The following ARHGAP25 variants were observed in gnomAD, a reference collection of about 807,000 sequenced individuals.
ARHGAP25 encodes rho GTPase-activating protein 25.
Under a neutral mutation model 71.0 loss-of-function variants are expected in ARHGAP25, and 34 were observed. The ratio of observed to expected loss-of-function variants is 0.48; its 90% CI spans 0.36 to 0.64. ARHGAP25 has a LOEUF of 0.64. Among genes scored for constraint, ARHGAP25 ranks in the 30% least tolerant of loss-of-function variants. ARHGAP25 has a pLI of 0.00. For missense variants in ARHGAP25, 706 were observed against 805.1 expected, an observed-to-expected ratio of 0.88 and a Z score of 1.49; for synonymous variants, 282 against 296.5, an observed-to-expected ratio of 0.95 and a Z score of 0.50.
chr2:68,733,570 A>G (rs1675082447), upstream of ARHGAP25, among the ~76,000 whole-genome samples: 1 of 152,200 alleles, frequency 6.6e-6, no homozygotes, highest in Non-Finnish European at 1.5e-5. Context: ...ATGATGCAAT[A>G]GGGATGGGAG....
At chr2:68,735,316 T>A in intron 1 of ARHGAP25, 56 bp downstream of exon 1, 1 of 1,545,512 alleles carries the variant, frequency 6.5e-7, no homozygotes, top group Non-Finnish European at 8.9e-7. Flanking sequence ...TCGAGCACCA[T>A]TTGCATGTTG....
intron 2 of ARHGAP25, among the ~76,000 whole-genome samples, chr2:68,776,547 G>A (rs1411392172): frequency 6.6e-6 from 1 of 152,210 alleles, no homozygotes; most frequent in Non-Finnish European, 1.5e-5. Context: ...CTGATGCAGT[G>A]GATAAGGCTG....
At chr2:68,807,594 C>A in intron 5 of ARHGAP25, 114 bp downstream of exon 5, 1 of 1,069,702 alleles carries the variant, frequency 9.3e-7, no homozygotes, top group Non-Finnish European at 1.4e-6. Flanking sequence ...TTCTAAGAGC[C>A]CTGGCTTACA....
chr2:68,765,349 T>C (rs1677059814), intron 1 of ARHGAP25, among the ~76,000 whole-genome samples: 1 of 131,150 alleles, frequency 7.6e-6, no homozygotes, highest in East Asian at 2.1e-4. Context: ...TTTAGAGCAA[T>C]AGTTGACATG....
chr2:68,789,440 G>A (rs912359484), intron 4 of ARHGAP25, among the ~76,000 whole-genome samples: 3 of 152,196 alleles, frequency 2.0e-5, no homozygotes, highest in African/African-American at 7.2e-5. Flanking sequence ...AGATACATTA[G>A]CTTCTCAAAG....
chr2:68,787,974 C>T lies in ARHGAP25; in HGVS notation c.466+18C>T. On this transcript the variant is annotated intron_variant, in intron 4 of 10. Coordinates refer to ENST00000409202, the MANE Select transcript of ARHGAP25 (RefSeq NM_001007231.3). ...CTGTGGAGGTAAGGACCCCTGCAGG[C>T]TTTCCTGGGCAGGTGCCTATGACAT... 6.3e-7 allele frequency: 1 copy of T among 1,594,632 alleles called. No individual in the cohort carries two copies. The highest frequency in any genetic ancestry group is 8.6e-7 in the Non-Finnish European group (1 of 1,162,276).
intron 1 of ARHGAP25, among the ~76,000 whole-genome samples, chr2:68,739,410 G>A (rs550177662): frequency 6.6e-6 from 1 of 152,308 alleles, no homozygotes; most frequent in South Asian, 2.1e-4. Context: ...GCATCTTCAT[G>A]TAGCATCCAA....
At chr2:68,745,333 C>A (rs1003570009) in intron 1 of ARHGAP25, among the ~76,000 whole-genome samples, 1 of 152,284 alleles carries the variant, frequency 6.6e-6, no homozygotes, top group East Asian at 1.9e-4. Flanking sequence ...CTGTGCCCAC[C>A]ACATCCTATG....
At chr2:68,749,213 T>G (rs1027935201) in intron 1 of ARHGAP25, among the ~76,000 whole-genome samples, 1 of 152,134 alleles carries the variant, frequency 6.6e-6, no homozygotes, top group Admixed American at 6.5e-5. Flanking sequence ...CACACTGAAT[T>G]TGTTATTTTG....
chr2:68,768,882 A>G (rs904713392), intron 1 of ARHGAP25, among the ~76,000 whole-genome samples: 1 of 152,146 alleles, frequency 6.6e-6, no homozygotes, highest in Non-Finnish European at 1.5e-5. Context: ...GCTTCCATGA[A>G]TGGGTCTCCC....
intron 2 of ARHGAP25, among the ~76,000 whole-genome samples, chr2:68,718,362 C>T (rs1277746692): frequency 1.3e-5 from 2 of 152,112 alleles, no homozygotes; most frequent in Non-Finnish European, 2.9e-5. Context: ...TCTTTCTGAA[C>T]TTTGTTTTGT....
At chr2:68,765,255 A>G (rs1677056593) in intron 1 of ARHGAP25, among the ~76,000 whole-genome samples, 1 of 152,126 alleles carries the variant, frequency 6.6e-6, no homozygotes, top group Non-Finnish European at 1.5e-5. Context: ...CGTAAGTGGT[A>G]TAACATCTGT....
chr2:68,819,390 G>T (rs1382686855), intron 9 of ARHGAP25, 71 bp downstream of exon 9: 1 of 1,546,978 alleles, frequency 6.5e-7, no homozygotes, highest in Non-Finnish European at 8.9e-7. Context: ...TGTAAGGCCT[G>T]CTCTCGGGTG....
At chr2:68,774,730 C>A in intron 1 of ARHGAP25, 1 of 1,011,330 alleles carries the variant, frequency 9.9e-7, no homozygotes, top group Non-Finnish European at 1.2e-6. Flanking sequence ...TGCGGCCCCT[C>A]CTCTAGCCGG....
chr2:68,826,346 A>G lies in ARHGAP25; in HGVS notation c.*152A>G. 1.3e-6 allele frequency: 1 copy of G among 778,702 alleles called. No individual in the cohort carries two copies. Among genetic ancestry groups the G allele is most frequent in the South Asian group, 1.5e-5 (1 of 68,342 alleles). The allele number at this position is 778,702 out of a possible 1,614,324, so 48.2% of individuals were successfully genotyped here. On this transcript the variant is annotated 3_prime_UTR_variant, in exon 11 of 11. Coordinates refer to ENST00000409202, the MANE Select transcript of ARHGAP25 (RefSeq NM_001007231.3). ...AATTTCCCCATAAATAAATGAATGG[A>G]GTTTGCAGGAAGGTGAGGGTGAGCA...
chr2:68,770,921 A>G (rs1208154828), intron 1 of ARHGAP25, among the ~76,000 whole-genome samples: 1 of 152,160 alleles, frequency 6.6e-6, no homozygotes, highest in Non-Finnish European at 1.5e-5. Flanking sequence ...ACGCTTTGTA[A>G]TGATAGCACT....
intron 1 of ARHGAP25, among the ~76,000 whole-genome samples, chr2:68,753,086 G>GA (rs900555878): frequency 6.6e-6 from 1 of 151,860 alleles, no homozygotes; most frequent in Non-Finnish European, 1.5e-5. Flanking sequence ...GATGGGGGGG[G>GA]TGATAAAACC....
At position 68,775,411 on chromosome 2, in the gene ARHGAP25, G is replaced by A. The variant is rs910572641; in HGVS notation, c.252G>A (p.Thr84=). ...ACTACTACAAGGATGAAGAGGACACGAAGCCCCAGGTACCAGCCAGGCTGT... is the reference window on the plus strand; with the variant it reads ...ACTACTACAAGGATGAAGAGGACACAAAGCCCCAGGTACCAGCCAGGCTGT... The part of the protein sequence containing the change: ...QLYYYKDEED[T]KPQGCMYLPG... Residue 84 remains threonine (T), a synonymous_variant, in exon 2 of 11, where the codon ACG becomes ACA. Transcript: ENST00000409202. 10 of 1,614,132 alleles carry A rather than the reference G, an allele frequency of 6.2e-6. No homozygotes were observed. Among genetic ancestry groups the A allele is most frequent in the African/African-American group, 4.0e-5 (3 of 74,958 alleles).
At chr2:68,742,993 T>C (rs1255602172) in intron 1 of ARHGAP25, among the ~76,000 whole-genome samples, 2 of 152,248 alleles carry the variant, frequency 1.3e-5, no homozygotes, top group Non-Finnish European at 2.9e-5. Context: ...TTTTTGCCAG[T>C]TATTTTCCAA....
Sources: gnomAD v4.1 joint callset for allele counts (sites outside exome capture counted in the v4.1 genomes callset) on GRCh38, gnomAD v4.1.1 for gene constraint, MANE v1.5 for transcripts, NCBI Gene and HGNC (gene_info 2026-07-23, HGNC 2026-07-21) for gene names.